SPATA16: variants seen among roughly 807,000 people sequenced by gnomAD.
SPATA16 encodes the protein spermatogenesis associated 16, also known as spermatogenesis-associated protein 16.
In SPATA16, 36 loss-of-function variants were observed where a neutral mutation model predicts 63.3. That is an observed-to-expected ratio of 0.57 (90% confidence interval 0.44 to 0.75). The LOEUF is 0.75. Among genes scored for constraint, SPATA16 ranks in the 30% least tolerant of loss-of-function variants. The probability of loss-of-function intolerance (pLI) is 0.00; values close to 1 mark genes in which losing one functional copy is unlikely to be tolerated. For missense variants in SPATA16, 646 were observed against 679.3 expected, an observed-to-expected ratio of 0.95 and a Z score of 0.54; for synonymous variants, 203 against 216.7, an observed-to-expected ratio of 0.94 and a Z score of 0.56.
At chr3:172,957,636 TA>T (rs1733632805) in intron 5 of SPATA16, among the ~76,000 whole-genome samples, 1 of 152,164 alleles carries the variant, frequency 6.6e-6, no homozygotes, top group South Asian at 2.1e-4. Flanking sequence ...TAATATGGCA[TA>T]AAAGCATATT....
intron 2 of SPATA16, among the ~76,000 whole-genome samples, chr3:173,080,840 T>C (rs1335335878): frequency 6.6e-6 from 1 of 152,132 alleles, no homozygotes; most frequent in Non-Finnish European, 1.5e-5. Flanking sequence ...TGTGCAAGAG[T>C]TCTGCATACA....
At chr3:173,082,056 C>T (rs1468296589) in intron 2 of SPATA16, among the ~76,000 whole-genome samples, 7 of 152,134 alleles carry the variant, frequency 4.6e-5, no homozygotes, top group Non-Finnish European at 8.8e-5. Flanking sequence ...ACCTATTCTA[C>T]TGAACCATGA....
chr3:173,114,329 C>T (rs1351927256), intron 2 of SPATA16, among the ~76,000 whole-genome samples: 1 of 152,012 alleles, frequency 6.6e-6, no homozygotes, highest in African/African-American at 2.4e-5. Context: ...GAATAAAGAC[C>T]GTATTTCTCA....
intron 2 of SPATA16, among the ~76,000 whole-genome samples, chr3:173,075,014 G>GAAAAAA: frequency 7.3e-6 from 1 of 137,472 alleles, no homozygotes; most frequent in Non-Finnish European, 1.5e-5. Context: ...AAAAAAAAAG[G>GAAAAAA]AAAGAAAAGA....
intron 3 of SPATA16, among the ~76,000 whole-genome samples, chr3:173,035,315 A>G (rs1318747780): frequency 2.0e-5 from 3 of 152,132 alleles, no homozygotes; most frequent in African/African-American, 7.2e-5. Context: ...GACAATTTAA[A>G]ACTTAAAAAG....
At chr3:172,970,814 T>A (rs1734031455) in intron 5 of SPATA16, among the ~76,000 whole-genome samples, 1 of 152,194 alleles carries the variant, frequency 6.6e-6, no homozygotes, top group Non-Finnish European at 1.5e-5. Flanking sequence ...AATGTAGGTG[T>A]TTTGTTAAAG....
chr3:173,124,130 AAC>A (rs1463297586), intron 1 of SPATA16, among the ~76,000 whole-genome samples: 2 of 152,304 alleles, frequency 1.3e-5, no homozygotes, highest in East Asian at 3.9e-4. Flanking sequence ...TCGTATCTCA[AAC>A]ACTGACATTT....
At chr3:173,018,534 C>T (rs1735248912) in intron 4 of SPATA16, among the ~76,000 whole-genome samples, 1 of 152,188 alleles carries the variant, frequency 6.6e-6, no homozygotes, top group African/African-American at 2.4e-5. Context: ...CCTCGGCCTC[C>T]CAAAGTGCTG....
chr3:172,968,391 A>G (rs1379724677), intron 5 of SPATA16, among the ~76,000 whole-genome samples: 1 of 152,196 alleles, frequency 6.6e-6, no homozygotes, highest in Non-Finnish European at 1.5e-5. Context: ...ACTGAGGCAA[A>G]GCAATTGAAT....
At chr3:172,966,972 G>A (rs969387823) in intron 5 of SPATA16, among the ~76,000 whole-genome samples, 6 of 152,096 alleles carry the variant, frequency 3.9e-5, no homozygotes, top group Admixed American at 1.3e-4. Flanking sequence ...TCTAAATTTG[G>A]TTTTGCTCAT....
chr3:173,044,526 T>C (rs9851618), intron 3 of SPATA16, among the ~76,000 whole-genome samples: 8,111 of 152,242 alleles, frequency 0.053, 507 homozygotes, highest in African/African-American at 0.15. Flanking sequence ...GATCCTTGAA[T>C]GTACTTTCAT....
chr3:173,023,617 T>G (rs1462194847), intron 3 of SPATA16, among the ~76,000 whole-genome samples: 1 of 151,906 alleles, frequency 6.6e-6, no homozygotes, highest in Non-Finnish European at 1.5e-5. Context: ...TAGACATTTT[T>G]ATATTATTGT....
intron 2 of SPATA16, among the ~76,000 whole-genome samples, chr3:173,094,677 G>GTTTT (rs57224552): frequency 3.5e-5 from 4 of 115,706 alleles, no homozygotes; most frequent in Non-Finnish European, 7.2e-5. Flanking sequence ...TATGGGAGTT[G>GTTTT]TTTTTTTTTT....
At chr3:172,973,446 C>T (rs1037449242) in intron 5 of SPATA16, among the ~76,000 whole-genome samples, 3 of 152,164 alleles carry the variant, frequency 2.0e-5, no homozygotes, top group Non-Finnish European at 2.9e-5. Flanking sequence ...TGTGGGAGTT[C>T]TGTGATACAA....
At chr3:173,103,773 A>C (rs1356563199) in intron 2 of SPATA16, among the ~76,000 whole-genome samples, 1 of 152,234 alleles carries the variant, frequency 6.6e-6, no homozygotes, top group Admixed American at 6.5e-5. Context: ...GCTACATTTT[A>C]GTCATGCAAA....
rs1515441 is a variant in SPATA16 at position 173,117,500 on chromosome 3, C to T, written c.232G>A (p.Glu78Lys). 0.13 allele frequency: 206,198 copies of T among 1,614,076 alleles called. 14,845 individuals carry two copies. The highest frequency in any genetic ancestry group is 0.32 in the East Asian group (14,290 of 44,866). ...GIKEKQSNDL[E>K]KAAFKRKAEG... is the part of the protein sequence containing the mutation. ...GCCTTCCGTTTAAAGGCTGCTTTCT[C>T]TAAATCATTGCTTTGTTTTTCTTTG... is the stretch of plus-strand genomic sequence containing the variant. Residue 78 changes from glutamate (E) to lysine (K), a missense_variant, in exon 2 of 11, where the codon GAG (glutamate) becomes AAG (lysine). Physicochemically the swap from Glu to Lys is moderately conservative, Grantham distance 56. Coordinates refer to ENST00000351008, the MANE Select transcript of SPATA16 (RefSeq NM_031955.6).
chr3:172,999,395 A>ATTTC (rs144082601), intron 4 of SPATA16, among the ~76,000 whole-genome samples: 10,891 of 150,648 alleles, frequency 0.072, 607 homozygotes, highest in African/African-American at 0.15. Flanking sequence ...CCCCTATTTC[A>ATTTC]TTTCTTTCTT....
intron 4 of SPATA16, among the ~76,000 whole-genome samples, chr3:172,992,511 G>A (rs1252310830): frequency 6.6e-6 from 1 of 151,956 alleles, no homozygotes; most frequent in East Asian, 1.9e-4. Flanking sequence ...GGAAGGTAGG[G>A]GACTCTAGGG....
At chr3:172,999,378 G>A (rs1734764004) in intron 4 of SPATA16, among the ~76,000 whole-genome samples, 1 of 151,142 alleles carries the variant, frequency 6.6e-6, no homozygotes, top group Admixed American at 6.6e-5. Flanking sequence ...GTGACCTGTA[G>A]TGATATCCCC....
Sources: gnomAD v4.1 joint callset for allele counts (sites outside exome capture counted in the v4.1 genomes callset) on GRCh38, gnomAD v4.1.1 for gene constraint, MANE v1.5 for transcripts, NCBI Gene and HGNC (gene_info 2026-07-23, HGNC 2026-07-21) for gene names.